The following DLGAP1 variants were observed in gnomAD, a reference collection of about 807,000 sequenced individuals.
DLGAP1 encodes disks large-associated protein 1.
Under a neutral mutation model 90.8 loss-of-function variants are expected in DLGAP1, and 11 were observed. That is an observed-to-expected ratio of 0.12 (90% CI 0.08 to 0.20). The LOEUF is 0.20. Ranked by LOEUF, DLGAP1 falls within the 10% of genes least tolerant of loss-of-function variation. The probability of loss-of-function intolerance (pLI) is 1.00; values close to 1 mark genes in which losing one functional copy is unlikely to be tolerated. For missense variants in DLGAP1, 1,050 were observed against 1,333.8 expected, an observed-to-expected ratio of 0.79 and a Z score of 3.31; for synonymous variants, 558 against 540.7, an observed-to-expected ratio of 1.03 and a Z score of -0.44.
chr18:4,274,113 T>C (rs1231977642), intron 1 of DLGAP1, among the ~76,000 whole-genome samples: 1 of 152,102 alleles, frequency 6.6e-6, no homozygotes, highest in African/African-American at 2.4e-5. Flanking sequence ...GGTTAGGTTA[T>C]TTATTTAACT....
At chr18:3,848,954 C>T (rs574245045) in intron 4 of DLGAP1, among the ~76,000 whole-genome samples, 4 of 152,314 alleles carry the variant, frequency 2.6e-5, no homozygotes, top group East Asian at 1.9e-4. Context: ...AAATGTTAAA[C>T]GTGACCTCTG....
Position 3,879,106 on chromosome 18 carries a change from TG to T in DLGAP1, c.957+5del, listed in dbSNP as rs768270841. The T allele has an allele frequency of 4.0e-6, 6 of 1,488,310 alleles. No individual in the cohort carries two copies. The East Asian group carries it at 1.2e-4, about 29-fold the overall frequency. 92.2% of individuals were successfully genotyped at this position (1,488,310 alleles called of 1,614,324 possible). A position where few individuals can be genotyped will look rare whatever the true frequency, so the allele number is the denominator to read the frequency against. On this transcript the variant is annotated splice_donor_5th_base_variant and intron_variant, in intron 4 of 12. Transcript: ENST00000315677. The surrounding 1 kb of genome is among the most constrained non-coding windows in gnomAD (Gnocchi z 6.6). ...TCTAAGCCTCCATCATTGACAGAAATGGTACCTGCAGGTACTGGCAGGAGCG... is the reference window on the plus strand; with the variant it reads ...TCTAAGCCTCCATCATTGACAGAAATGTACCTGCAGGTACTGGCAGGAGCG...
At position 4,268,397 on chromosome 18, in the gene DLGAP1, G is replaced by A. The variant is rs530937091; in HGVS notation, c.-266-117110C>T. ...GGGAAGAAAAAAATAGTGAATAAAA[G>A]AGAAAGGGAGATTATGAATATAGAC... On this transcript the variant is annotated intron_variant, in intron 1 of 12. Transcript: ENST00000315677. Among the ~76,000 whole-genome samples the A allele has an allele frequency of 2.6e-5, 4 of 152,268 alleles. No individual in the cohort carries two copies. In the East Asian group the frequency reaches 7.7e-4, roughly 29 times the overall value.
In DLGAP1 at chr18:3,560,193, A is replaced by G. The variant is rs1038860310; in HGVS notation, c.2057+7297T>C. ...CCCAGCACTTTGGGAGGGTGAGATG[A>G]CCGGATCACGAGGTCAGGAGATCAA... On this transcript the variant is annotated intron_variant, in intron 9 of 12. Transcript: ENST00000315677. Among the ~76,000 whole-genome samples, 4 of 143,402 alleles carry G rather than the reference A, an allele frequency of 2.8e-5. No individual in the cohort carries two copies. In the East Asian group the frequency reaches 9.0e-4, roughly 32 times the overall value. The allele number at this position is 143,402 out of a possible 152,430, so 94.1% of individuals were successfully genotyped here.
At position 3,775,245 on chromosome 18, in the gene DLGAP1, CCT is replaced by C. The variant is rs2064883949; in HGVS notation, c.1173-32735_1173-32734del. Among the ~76,000 whole-genome samples, 1 of 152,216 alleles carries C rather than the reference CCT, an allele frequency of 6.6e-6. No individual in the cohort carries two copies. Among genetic ancestry groups the C allele is most frequent in the Admixed American group, 6.5e-5 (1 of 15,288 alleles). On this transcript the variant is annotated intron_variant, in intron 5 of 12. Coordinates refer to ENST00000315677, the MANE Select transcript of DLGAP1 (RefSeq NM_004746.4). The surrounding 1 kb of genome is among the most constrained non-coding windows in gnomAD (Gnocchi z 4.9). Reference sequence around the variant, plus strand: ...TTTGTAACAATTCTCCTTCCATTCCCCTGTGTTATGCACATCGATATGGTTTG... The same window carrying C: ...TTTGTAACAATTCTCCTTCCATTCCCGTGTTATGCACATCGATATGGTTTG...
At chr18:4,018,389 A>T (rs941049014) in intron 2 of DLGAP1, among the ~76,000 whole-genome samples, 1 of 152,162 alleles carries the variant, frequency 6.6e-6, no homozygotes, top group Non-Finnish European at 1.5e-5. Flanking sequence ...AGGAAGCATG[A>T]CCTCGTGTGA....
intron 5 of DLGAP1, among the ~76,000 whole-genome samples, chr18:3,785,500 T>C (rs2065406154): frequency 6.6e-6 from 1 of 152,202 alleles, no homozygotes; most frequent in Non-Finnish European, 1.5e-5. Context: ...GTACAGATCT[T>C]ATAAAGCCTT....
intron 7 of DLGAP1, among the ~76,000 whole-genome samples, chr18:3,592,765 G>A (rs1387801947): frequency 7.0e-6 from 1 of 143,106 alleles, no homozygotes; most frequent in Non-Finnish European, 1.5e-5. Context: ...GATCACTTGA[G>A]CTTGGGAGGT....
At chr18:3,515,343 C>CT (rs2050770775) in intron 10 of DLGAP1, among the ~76,000 whole-genome samples, 1 of 151,642 alleles carries the variant, frequency 6.6e-6, no homozygotes, top group Non-Finnish European at 1.5e-5. Flanking sequence ...TGGTGGCGGG[C>CT]ACTGTAGACC....
chr18:4,315,048 G>A (rs2080493138), intron 1 of DLGAP1, among the ~76,000 whole-genome samples: 1 of 152,102 alleles, frequency 6.6e-6, no homozygotes, highest in African/African-American at 2.4e-5. Context: ...TATAACATAG[G>A]TATTAACTTA....
At chr18:3,501,905 A>G (rs1182993667) in intron 12 of DLGAP1, among the ~76,000 whole-genome samples, 2 of 149,746 alleles carry the variant, frequency 1.3e-5, no homozygotes, top group African/African-American at 4.9e-5. Context: ...GACCCCAGTG[A>G]GCAATATTCC....
At chr18:3,741,527 C>A (rs2063044189) in intron 6 of DLGAP1, among the ~76,000 whole-genome samples, 1 of 151,678 alleles carries the variant, frequency 6.6e-6, no homozygotes, top group Non-Finnish European at 1.5e-5. Context: ...ACCATCACTA[C>A]CAACACCATC....
intron 1 of DLGAP1, among the ~76,000 whole-genome samples, chr18:4,227,207 A>T (rs2078209894): frequency 6.6e-6 from 1 of 152,102 alleles, no homozygotes; most frequent in Non-Finnish European, 1.5e-5. Flanking sequence ...TGATATTTAA[A>T]GCAAATGTTA....
chr18:3,932,666 A>G (rs747624742), intron 3 of DLGAP1, among the ~76,000 whole-genome samples: 4 of 152,328 alleles, frequency 2.6e-5, no homozygotes, highest in Middle Eastern at 3.4e-3. Context: ...TATCTCATAG[A>G]TAAAAAACAT....
intron 1 of DLGAP1, among the ~76,000 whole-genome samples, chr18:4,279,749 CAG>C (rs547319679): frequency 3.0e-4 from 46 of 152,228 alleles, no homozygotes; most frequent in African/African-American, 9.6e-4. Flanking sequence ...AATTTACTAA[CAG>C]AAATCATTTC....
intron 11 of DLGAP1, among the ~76,000 whole-genome samples, chr18:3,506,021 G>A (rs544967047): frequency 6.6e-6 from 1 of 152,242 alleles, no homozygotes; most frequent in South Asian, 2.1e-4. Context: ...TGGATCACCT[G>A]AGGTCAGGAG....
intron 5 of DLGAP1, among the ~76,000 whole-genome samples, chr18:3,794,674 G>A (rs1377518288): frequency 6.6e-6 from 1 of 152,240 alleles, no homozygotes; most frequent in Non-Finnish European, 1.5e-5. Context: ...TAGCCACAAA[G>A]GTGTGACTTG....
At chr18:3,670,396 T>C (rs1247643482) in intron 7 of DLGAP1, among the ~76,000 whole-genome samples, 1 of 152,120 alleles carries the variant, frequency 6.6e-6, no homozygotes, top group African/African-American at 2.4e-5. Context: ...ATGAACACTT[T>C]TTGACTTCCT....
rs903294233 is a variant in DLGAP1 at position 3,497,326 on chromosome 18, G to A, written c.*1859C>T. 6.6e-6 allele frequency: 1 copy of A among 152,100 alleles called. No homozygotes were observed. The highest frequency in any genetic ancestry group is 1.5e-5 in the Non-Finnish European group (1 of 68,012). 9.4% of individuals were successfully genotyped at this position (152,100 alleles called of 1,614,324 possible). A position where few individuals can be genotyped will look rare whatever the true frequency, so the allele number is the denominator to read the frequency against. On this transcript the variant is annotated 3_prime_UTR_variant, in exon 13 of 13. Coordinates refer to ENST00000315677, the MANE Select transcript of DLGAP1 (RefSeq NM_004746.4). ...TTTCACAAAGCACTTTGAGTGCTTT[G>A]TTCACCCTAGTTAAAAGTTGGTTCG...
Sources: allele counts gnomAD v4.1 joint callset (sites outside exome capture counted in the v4.1 genomes callset), GRCh38; gene constraint gnomAD v4.1.1; non-coding constraint Gnocchi (gnomAD v3.1); transcripts MANE v1.5; gene names NCBI Gene and HGNC (gene_info 2026-07-23, HGNC 2026-07-21).